Variants in THUMPD3 observed in about 807,000 individuals in gnomAD.
THUMPD3 encodes the protein tRNA (guanine(6)-N(2))-methyltransferase THUMP3.
In THUMPD3, 44 loss-of-function variants were observed where a neutral mutation model predicts 54.5. The ratio of observed to expected loss-of-function variants is 0.81; its 90% CI spans 0.63 to 1.04. THUMPD3 has a LOEUF of 1.04. Ranked by LOEUF, THUMPD3 falls within the 50% of genes least tolerant of loss-of-function variation. The pLI, the probability that THUMPD3 is intolerant of heterozygous loss-of-function variation, is 0.00. For synonymous variants in THUMPD3, 196 were observed against 201.4 expected, an observed-to-expected ratio of 0.97 and a Z score of 0.23; for missense variants, 604 against 601.3, an observed-to-expected ratio of 1.00 and a Z score of -0.05.
At chr3:9,365,775 A>G (rs1418508498) in intron 2 of THUMPD3, among the ~76,000 whole-genome samples, 1 of 152,092 alleles carries the variant, frequency 6.6e-6, no homozygotes, top group Non-Finnish European at 1.5e-5. Flanking sequence ...TATATTTAGT[A>G]GAAACGGGGT....
chr3:9,376,011 T>C (rs780098385), intron 5 of THUMPD3, among the ~76,000 whole-genome samples: 20 of 152,240 alleles, frequency 1.3e-4, no homozygotes, highest in Non-Finnish European at 2.6e-4. Flanking sequence ...ATGACGATAA[T>C]AGAAAATTGG....
At chr3:9,365,500 T>C (rs2125306759) in intron 2 of THUMPD3, among the ~76,000 whole-genome samples, 180 bp downstream of exon 2, 1 of 147,880 alleles carries the variant, frequency 6.8e-6, no homozygotes, top group African/African-American at 2.5e-5. Context: ...GTAGTTTCAG[T>C]ATCCCTTAGG....
chr3:9,367,649 G>A (rs942052473), intron 3 of THUMPD3, among the ~76,000 whole-genome samples: 13 of 152,082 alleles, frequency 8.5e-5, no homozygotes, highest in Admixed American at 7.2e-4. Context: ...ACTGTGATAC[G>A]CTACCTAATT....
intron 2 of THUMPD3, among the ~76,000 whole-genome samples, chr3:9,365,561 T>G (rs972876076): frequency 6.6e-6 from 1 of 151,978 alleles, no homozygotes; most frequent in African/African-American, 2.4e-5. Flanking sequence ...TTTTGGAATA[T>G]TTGCATTATA....
chr3:9,380,370 G>C, intron 6 of THUMPD3, 133 bp from the exon 7 acceptor site: 1 of 611,450 alleles, frequency 1.6e-6, no homozygotes, highest in Non-Finnish European at 2.8e-6. Context: ...TTTTCAGCCA[G>C]GGAAATAGCA....
At chr3:9,383,742 C>T (rs1032317011) in intron 8 of THUMPD3, among the ~76,000 whole-genome samples, 9 of 151,906 alleles carry the variant, frequency 5.9e-5, no homozygotes, top group Non-Finnish European at 1.2e-4. Flanking sequence ...TCCTGCCTCA[C>T]CCTCCTGAGT....
chr3:9,377,280 A>AT (rs1209597864), intron 5 of THUMPD3, among the ~76,000 whole-genome samples: 11 of 152,118 alleles, frequency 7.2e-5, no homozygotes, highest in Non-Finnish European at 1.5e-4. Context: ...GTGAAATGGG[A>AT]TTTTGGAAGA....
At position 9,385,794 on chromosome 3, in the gene THUMPD3, A is replaced by G. The variant is rs1184435077; in HGVS notation, c.*1106A>G. 1.3e-5 allele frequency: 2 copies of G among 152,188 alleles called. No individual in the cohort carries two copies. The highest frequency in any genetic ancestry group is 2.1e-4 in the South Asian group (1 of 4,826). 9.4% of individuals were successfully genotyped at this position (152,188 alleles called of 1,614,324 possible). A position where few individuals can be genotyped will look rare whatever the true frequency, so the allele number is the denominator to read the frequency against. Reference sequence around the variant, plus strand: ...AAAAGGCCAAGAGAAAAAAAATGATATATCTTTGGAAAACTTTTAATTTGG... The same window carrying G: ...AAAAGGCCAAGAGAAAAAAAATGATGTATCTTTGGAAAACTTTTAATTTGG... On this transcript the variant is annotated 3_prime_UTR_variant, in exon 10 of 10. Transcript: ENST00000452837.
chr3:9,365,674 C>G (rs1463344340), intron 2 of THUMPD3, among the ~76,000 whole-genome samples: 1 of 151,966 alleles, frequency 6.6e-6, no homozygotes, highest in African/African-American at 2.4e-5. Flanking sequence ...TCACTGCAAC[C>G]TCCGCCTCCC....
In THUMPD3 at chr3:9,366,944, G is replaced by A. The variant is rs2031613999; in HGVS notation, c.289G>A (p.Val97Met). 5 of 1,613,198 alleles carry A rather than the reference G, an allele frequency of 3.1e-6. No homozygotes were observed. In the African/African-American group the frequency reaches 6.7e-5, roughly 22 times the overall value. The change falls in exon 3 of 10, where the codon GTG becomes ATG. Residue 97 changes from valine (V) to methionine (M), a missense_variant. Val to Met is a conservative substitution (Grantham distance 21). Transcript: ENST00000452837. ...CLRSVDNLFV[V>M]VQEFQDYQFK... ...GAGATCAGTTGATAACTTATTTGTG[G>A]TGGTTCAGGAGTTTCAAGATTACCA...
Position 9,380,538 on chromosome 3 carries a change from T to G in THUMPD3, c.1044T>G (p.Ala348=). The change falls in exon 7 of 10, where the codon GCT becomes GCG. Residue 348 remains alanine, a synonymous_variant. Transcript: ENST00000452837. ...AATGGTCTGACTGTTTCCATATTGC[T>G]GGTGATAATAATCCACTGGCTGTGA... is the stretch of plus-strand genomic sequence containing the variant. ...ATEWSDCFHI[A]GDNNPLAVNR... 1 of 1,613,686 alleles carries G rather than the reference T, an allele frequency of 6.2e-7. No homozygotes were observed. Among genetic ancestry groups the G allele is most frequent in the Non-Finnish European group, 8.5e-7 (1 of 1,179,738 alleles).
At chr3:9,381,957 GTA>G (rs1399310085) in intron 7 of THUMPD3, among the ~76,000 whole-genome samples, 1 of 148,620 alleles carries the variant, frequency 6.7e-6, no homozygotes, top group East Asian at 2.0e-4. Context: ...TTTTTTTTTT[GTA>G]TTTTTAGTAG....
intron 4 of THUMPD3, 118 bp from the exon 5 acceptor site, chr3:9,374,398 G>A: frequency 8.0e-7 from 1 of 1,250,584 alleles, no homozygotes; most frequent in Non-Finnish European, 1.1e-6. Context: ...CCTCCCAGGA[G>A]TAGGGGACCA....
chr3:9,381,756 C>T lies in THUMPD3; in HGVS notation c.1124+1138C>T, dbSNP rs1427743200. On this transcript the variant is annotated intron_variant, in intron 7 of 9. Transcript: ENST00000452837. The stretch of plus-strand genomic sequence containing the variant: ...ACCTACACTGTCTGTTCAACCCGTA[C>T]TTTTTTTTTTTTTTTTTTTTTTTTT... 1.6e-4 allele frequency among the ~76,000 whole-genome samples: 7 copies of T among 44,324 alleles called. No homozygotes were observed. In the South Asian group the frequency reaches 3.1e-3, roughly 20 times the overall value. 29.1% of individuals were successfully genotyped at this position (44,324 alleles called of 152,430 possible).
chr3:9,376,676 C>T (rs771173907), intron 5 of THUMPD3, among the ~76,000 whole-genome samples: 1 of 152,004 alleles, frequency 6.6e-6, no homozygotes, highest in Non-Finnish European at 1.5e-5. Context: ...ATCATACATG[C>T]GATAAGTCCC....
At chr3:9,381,211 G>A (rs1166425517) in intron 7 of THUMPD3, among the ~76,000 whole-genome samples, 1 of 152,190 alleles carries the variant, frequency 6.6e-6, no homozygotes, top group Non-Finnish European at 1.5e-5. Context: ...TGGGATTAGA[G>A]ACGAGTCACC....
At chr3:9,373,932 A>G (rs2032254324) in intron 4 of THUMPD3, among the ~76,000 whole-genome samples, 1 of 152,188 alleles carries the variant, frequency 6.6e-6, no homozygotes, top group Admixed American at 6.5e-5. Flanking sequence ...TTTTGTTGAG[A>G]TACACTTTGC....
chr3:9,365,654 C>T (rs1378257272), intron 2 of THUMPD3, among the ~76,000 whole-genome samples: 6 of 151,390 alleles, frequency 4.0e-5, no homozygotes, highest in East Asian at 1.9e-4. Context: ...TGCAATGGCG[C>T]GATCTTGGCT....
At chr3:9,377,987 C>T (rs1342408277) in intron 6 of THUMPD3, 99 bp downstream of exon 6, 18 of 960,522 alleles carry the variant, frequency 1.9e-5, no homozygotes, top group Non-Finnish European at 2.6e-5. Context: ...ATGGTTGGAT[C>T]AGTGGACCCA....
Sources: gnomAD v4.1 joint callset for allele counts (sites outside exome capture counted in the v4.1 genomes callset) on GRCh38, gnomAD v4.1.1 for gene constraint, MANE v1.5 for transcripts, NCBI Gene and HGNC (gene_info 2026-07-23, HGNC 2026-07-21) for gene names.